Variants in CLEC1A observed in about 807,000 individuals in gnomAD.
CLEC1A encodes C-type lectin domain family 1 member A.
CLEC1A carries 34 observed loss-of-function variants against 28.7 expected under a neutral mutation model. That is an observed-to-expected ratio of 1.18 (90% CI 0.90 to 1.57). The LOEUF is 1.57. Ranked by LOEUF, CLEC1A falls within the 40% of genes most tolerant of loss-of-function variation. The pLI is 0.00. For synonymous variants in CLEC1A, 116 were observed against 121.0 expected (o/e 0.96, Z 0.27); for missense variants, 385 against 339.5 (o/e 1.13, Z -1.05).
intron 1 of CLEC1A, 150 bp downstream of exon 1, chr12:10,098,657 GA>G (rs10706436): frequency 0.75 from 353,362 of 470,850 alleles, 134,641 homozygotes; most frequent in Non-Finnish European, 0.84. Flanking sequence ...GAATATAACT[GA>G]AAAAAAAAAA....
At chr12:10,075,710 C>G in intron 3 of CLEC1A, 55 bp from the exon 4 acceptor site, 1 of 1,499,192 alleles carries the variant, frequency 6.7e-7, no homozygotes, top group Admixed American at 1.9e-5. Flanking sequence ...TCTTGCTCCT[C>G]TCTTGAAATT....
intron 2 of CLEC1A, among the ~76,000 whole-genome samples, chr12:10,085,691 A>C (rs888946799): frequency 6.6e-6 from 1 of 152,200 alleles, no homozygotes; most frequent in African/African-American, 2.4e-5. Flanking sequence ...TAGACCTAAA[A>C]AAATGAGATA....
intron 1 of CLEC1A, among the ~76,000 whole-genome samples, chr12:10,092,178 A>G (rs1380055775): frequency 6.6e-6 from 1 of 152,182 alleles, no homozygotes; most frequent in Non-Finnish European, 1.5e-5. Context: ...GAGAAGAACT[A>G]TGACAGTCAA....
intron 1 of CLEC1A, among the ~76,000 whole-genome samples, chr12:10,094,649 T>A (rs922879355): frequency 1.3e-5 from 2 of 152,164 alleles, no homozygotes; most frequent in Admixed American, 1.3e-4. Flanking sequence ...ATCATCTTCC[T>A]ATCCTCCCAA....
intron 1 of CLEC1A, among the ~76,000 whole-genome samples, chr12:10,090,458 A>G (rs1008294360): frequency 6.6e-6 from 1 of 152,044 alleles, no homozygotes; most frequent in African/African-American, 2.4e-5. Flanking sequence ...AGGTTTCACC[A>G]TGTTGCCCAG....
chr12:10,084,136 A>G (rs372991384), intron 2 of CLEC1A: 2 of 152,346 alleles, frequency 1.3e-5, no homozygotes, highest in Admixed American at 6.5e-5. Context: ...AAACCAGGAA[A>G]ACACCCATGG....
At chr12:10,086,281 T>C (rs1189561473) in intron 2 of CLEC1A, among the ~76,000 whole-genome samples, 2 of 149,434 alleles carry the variant, frequency 1.3e-5, no homozygotes, top group East Asian at 2.0e-4. Context: ...GCTCAACAAA[T>C]TGGAGAAACA....
At chr12:10,088,908 C>A (rs1337636904) in intron 2 of CLEC1A, among the ~76,000 whole-genome samples, 1 of 151,484 alleles carries the variant, frequency 6.6e-6, no homozygotes, top group African/African-American at 2.4e-5. Context: ...CCCTTCTTAT[C>A]TCAAACAGAA....
intron 2 of CLEC1A, among the ~76,000 whole-genome samples, chr12:10,082,858 C>A (rs957305200): frequency 6.6e-6 from 1 of 152,202 alleles, no homozygotes; most frequent in Non-Finnish European, 1.5e-5. Flanking sequence ...CTGAGTGCAT[C>A]CATCTGACAA....
At chr12:10,087,224 A>G (rs1249421062) in intron 2 of CLEC1A, among the ~76,000 whole-genome samples, 7 of 149,106 alleles carry the variant, frequency 4.7e-5, no homozygotes, top group African/African-American at 9.8e-5. Context: ...AAAAAAAAAG[A>G]CTAGCTAACT....
In CLEC1A at chr12:10,071,451, C is replaced by G; in HGVS notation, c.725G>C (p.Gly242Ala). Residue 242 changes from glycine to alanine, a missense_variant, in exon 6 of 6, where the codon GGG becomes GCG. Gly to Ala is a moderately conservative substitution (Grantham distance 60). Coordinates refer to ENST00000315330, the MANE Select transcript of CLEC1A (RefSeq NM_016511.4). Reference sequence around the variant, plus strand: ...TTTGCAGTCCTTTGAGAAGATCATCCCATTAAGGATGGCCACACAGTCTCT... The same window carrying G: ...TTTGCAGTCCTTTGAGAAGATCATCGCATTAAGGATGGCCACACAGTCTCT... Reference protein sequence around the residue: ...RSRDCVAILNGMIFSKDCKEL... With the variant: ...RSRDCVAILNAMIFSKDCKEL... 6.2e-7 allele frequency: 1 copy of G among 1,613,782 alleles called. No homozygotes were observed. Among genetic ancestry groups the G allele is most frequent in the Non-Finnish European group, 8.5e-7 (1 of 1,179,794 alleles).
chr12:10,093,214 A>G (rs183244665), intron 1 of CLEC1A, among the ~76,000 whole-genome samples: 1 of 152,188 alleles, frequency 6.6e-6, no homozygotes, highest in Admixed American at 6.5e-5. Context: ...TTTCACAAAA[A>G]TAAGATGCCT....
rs371697419 is a variant in CLEC1A at position 10,073,425 on chromosome 12, A to T, written c.544-14T>A. ...CGCGGCAAATTCCTGTGAAAAGCAC[A>T]TAAGAAAAGCTTTAGCTTTGGTGGC... On this transcript the variant is annotated splice_polypyrimidine_tract_variant and intron_variant, in intron 4 of 5. Transcript: ENST00000315330. 2 of 1,594,742 alleles carry T rather than the reference A, an allele frequency of 1.3e-6. No homozygotes were observed. The highest frequency in any genetic ancestry group is 1.7e-5 in the Admixed American group (1 of 59,688).
At position 10,075,561 on chromosome 12, in the gene CLEC1A, T is replaced by C. The variant is rs1222289332; in HGVS notation, c.486A>G (p.Lys162=). 1 of 1,613,886 alleles carries C rather than the reference T, an allele frequency of 6.2e-7. No homozygotes were observed. The highest frequency in any genetic ancestry group is 8.5e-7 in the Non-Finnish European group (1 of 1,179,930). ...TAGAGTTTTCACTAAGGCAGAAATA[T>C]TTACAGTCCTCCCAACTTTTGCTGT... The part of the protein sequence containing the change: ...YKDSKSWEDC[K]YFCLSENSTM... The change falls in exon 4 of 6, where the codon AAA becomes AAG. Residue 162 remains lysine (K), a synonymous_variant. Coordinates refer to ENST00000315330, the MANE Select transcript of CLEC1A (RefSeq NM_016511.4).
chr12:10,090,770 TC>T (rs2137366451), intron 1 of CLEC1A, among the ~76,000 whole-genome samples: 1 of 152,240 alleles, frequency 6.6e-6, no homozygotes, highest in African/African-American at 2.4e-5. Flanking sequence ...TAAGTAGCTT[TC>T]ATTACATTTA....
intron 1 of CLEC1A, among the ~76,000 whole-genome samples, chr12:10,091,460 C>T (rs1274059687): frequency 2.6e-5 from 4 of 151,810 alleles, no homozygotes; most frequent in Non-Finnish European, 5.9e-5. Flanking sequence ...ACAGACTCAG[C>T]TAAATACATC....
chr12:10,097,737 C>G (rs999623718), intron 1 of CLEC1A, among the ~76,000 whole-genome samples: 3 of 152,098 alleles, frequency 2.0e-5, no homozygotes, highest in Admixed American at 6.6e-5. Flanking sequence ...ACAAGCTACT[C>G]AAAACCACAG....
chr12:10,079,567 A>G (rs1249643350), intron 3 of CLEC1A, among the ~76,000 whole-genome samples: 1 of 152,140 alleles, frequency 6.6e-6, no homozygotes, highest in African/African-American at 2.4e-5. Context: ...CATGCCTGTA[A>G]TCCCAGCAGT....
Position 10,081,407 on chromosome 12 carries a change from T to C in CLEC1A, c.221A>G (p.Gln74Arg). 3.1e-6 allele frequency: 5 copies of C among 1,591,190 alleles called. No individual in the cohort carries two copies. Among genetic ancestry groups the C allele is most frequent in the Non-Finnish European group, 4.3e-6 (5 of 1,171,018 alleles). Residue 74 changes from glutamine to arginine, a missense_variant, in exon 3 of 6, where the codon CAG becomes CGG. Transcript: ENST00000315330. ...GLAALGLLFF[Q>R]YYQLSNTGQD... Reference sequence around the variant, plus strand: ...ACCAGTATTGGAGAGCTGGTAGTACTGAAAAACTAACCCAAATGACCAAGT... The same window carrying C: ...ACCAGTATTGGAGAGCTGGTAGTACCGAAAAACTAACCCAAATGACCAAGT...
Sources: gnomAD v4.1 joint callset for allele counts (sites outside exome capture counted in the v4.1 genomes callset) on GRCh38, gnomAD v4.1.1 for gene constraint, MANE v1.5 for transcripts, NCBI Gene and HGNC (gene_info 2026-07-23, HGNC 2026-07-21) for gene names.